MCF2L: variants seen among roughly 807,000 people sequenced by gnomAD.
The protein encoded by MCF2L is MCF.2 cell line derived transforming sequence like, also known as guanine nucleotide exchange factor DBS.
A neutral mutation model predicts 153.4 loss-of-function variants in MCF2L; 97 were observed. The observed-to-expected ratio is 0.63, with a 90% CI of 0.54 to 0.75. The LOEUF (loss-of-function observed/expected upper bound fraction) is 0.75, where lower values mean the gene tolerates loss of function less well. Among genes scored for constraint, MCF2L ranks in the 30% least tolerant of loss-of-function variants. MCF2L has a pLI of 0.00. For missense variants in MCF2L, 1,347 were observed against 1,495.2 expected (o/e 0.90, Z 1.64); for synonymous variants, 659 against 632.2 (o/e 1.04, Z -0.64).
intron 15 of MCF2L, among the ~76,000 whole-genome samples, chr13:113,080,274 GGTCCAGGCAGAGGAGT>G (rs1566860278): frequency 6.7e-6 from 1 of 149,662 alleles, no homozygotes; most frequent in African/African-American, 2.5e-5. Context: ...TACGGAGGAG[GGTCCAGGCAGAGGAGT>G]GTCCATACGG....
intron 2 of MCF2L, among the ~76,000 whole-genome samples, chr13:112,926,236 C>G (rs950696997): frequency 6.6e-6 from 1 of 151,950 alleles, no homozygotes; most frequent in African/African-American, 2.4e-5. Flanking sequence ...ACGGCCTAAT[C>G]TATATACACA....
chr13:112,998,835 G>A (rs768157994), intron 1 of MCF2L, among the ~76,000 whole-genome samples: 9 of 152,144 alleles, frequency 5.9e-5, no homozygotes, highest in Admixed American at 2.0e-4. Context: ...GAGCTCCCAC[G>A]GCCCTTGGAG....
chr13:113,051,591 C>T (rs1408067892), intron 4 of MCF2L, among the ~76,000 whole-genome samples: 1 of 150,786 alleles, frequency 6.6e-6, no homozygotes. Flanking sequence ...CAATAACGGG[C>T]GGCACGAGCC....
intron 23 of MCF2L, 81 bp downstream of exon 23, chr13:113,087,880 T>C: frequency 3.2e-6 from 4 of 1,245,706 alleles, no homozygotes; most frequent in Non-Finnish European, 4.7e-6. Context: ...GGATCTGCCA[T>C]GAAGTTGCAT....
intron 21 of MCF2L, among the ~76,000 whole-genome samples, chr13:113,086,698 C>T (rs1347958661): frequency 6.6e-6 from 1 of 152,140 alleles, no homozygotes; most frequent in Non-Finnish European, 1.5e-5. Context: ...ACAGCTTATT[C>T]ATCTTTTGTC....
chr13:112,945,977 C>T (rs2081633274), intron 2 of MCF2L, among the ~76,000 whole-genome samples: 1 of 152,116 alleles, frequency 6.6e-6, no homozygotes, highest in Non-Finnish European at 1.5e-5. Flanking sequence ...GGAGCTGCTG[C>T]GTGTTCAGAC....
At chr13:112,961,308 G>C (rs974489387) in intron 2 of MCF2L, among the ~76,000 whole-genome samples, 1 of 152,228 alleles carries the variant, frequency 6.6e-6, no homozygotes, top group Non-Finnish European at 1.5e-5. Context: ...TGAAAGTGTC[G>C]AGTGATCTTT....
In MCF2L at chr13:112,943,816, C is replaced by T. The variant is rs948603084; in HGVS notation, c.169+41445C>T. 4.6e-4 allele frequency among the ~76,000 whole-genome samples: 69 copies of T among 151,358 alleles called. No individual in the cohort carries two copies. Among genetic ancestry groups the T allele is most frequent in the Admixed American group, 1.2e-3 (19 of 15,220 alleles). ...CTTCAGGCGGACCGGAAGGACCTGG[C>T]GGGAGGCGTAGTAGGCGGGGTGAGG... On this transcript the variant is annotated intron_variant, in intron 2 of 29. Transcript: ENST00000375608. This position sits in a 1 kb window ranked among gnomAD's most constrained non-coding sequence, Gnocchi z 4.2.
chr13:113,001,588 C>A, intron 1 of MCF2L: 3 of 825,152 alleles, frequency 3.6e-6, no homozygotes, highest in South Asian at 8.3e-5. Flanking sequence ...GGGGCCCCTG[C>A]AGGGAGGGTC....
At chr13:112,935,042 G>A (rs1211306675) in intron 2 of MCF2L, among the ~76,000 whole-genome samples, 1 of 152,146 alleles carries the variant, frequency 6.6e-6, no homozygotes, top group Non-Finnish European at 1.5e-5. Flanking sequence ...AAATTTGTAT[G>A]TTGAAGCCCT....
At chr13:112,981,990 A>C (rs1341880566) in intron 1 of MCF2L, among the ~76,000 whole-genome samples, 5 of 152,302 alleles carry the variant, frequency 3.3e-5, no homozygotes, top group South Asian at 4.1e-4. Context: ...GGCCCCGGTC[A>C]GGGCTGGGGG....
At chr13:112,999,308 G>T (rs759447206) in intron 1 of MCF2L, among the ~76,000 whole-genome samples, 1 of 152,106 alleles carries the variant, frequency 6.6e-6, no homozygotes, top group Non-Finnish European at 1.5e-5. Context: ...GACATCGGGG[G>T]CCAGGAGAGA....
chr13:112,910,462 G>T (rs564086623), intron 2 of MCF2L: 1 of 152,336 alleles, frequency 6.6e-6, no homozygotes, highest in Admixed American at 6.5e-5. Flanking sequence ...TGATTTAGTT[G>T]TTGAGATCAT....
intron 2 of MCF2L, among the ~76,000 whole-genome samples, chr13:112,919,078 G>A (rs1422000674): frequency 3.3e-5 from 5 of 151,986 alleles, no homozygotes; most frequent in African/African-American, 1.2e-4. Context: ...CTCTTTCCTT[G>A]TGCCTAGCAA....
intron 1 of MCF2L, among the ~76,000 whole-genome samples, chr13:112,975,376 G>A (rs34578059): frequency 0.27 from 40,710 of 152,210 alleles, 6,351 homozygotes; most frequent in Non-Finnish European, 0.35. Flanking sequence ...TGCTGGACCC[G>A]TGACCTGTGA....
chr13:113,014,658 C>A, intron 1 of MCF2L, 105 bp from the exon 2 acceptor site: 1 of 872,398 alleles, frequency 1.1e-6, no homozygotes, highest in Non-Finnish European at 1.9e-6. Context: ...ACGCCACTCC[C>A]GTAGGTGCCT....
chr13:113,009,181 C>G (rs887596303), intron 1 of MCF2L: 2 of 152,372 alleles, frequency 1.3e-5, no homozygotes, highest in African/African-American at 2.4e-5. Context: ...TGGCCCTTGC[C>G]GGTTGGTGTT....
intron 15 of MCF2L, among the ~76,000 whole-genome samples, chr13:113,080,578 G>T (rs1157681311): frequency 6.6e-6 from 1 of 152,234 alleles, no homozygotes; most frequent in African/African-American, 2.4e-5. Flanking sequence ...CTGCTGAAAG[G>T]TGCTCACACC....
chr13:113,042,041 G>T (rs905711790), intron 3 of MCF2L, among the ~76,000 whole-genome samples: 1 of 152,148 alleles, frequency 6.6e-6, no homozygotes, highest in African/African-American at 2.4e-5. Flanking sequence ...TAGGGCTGTT[G>T]GCACAGTGCC....
Sources: allele counts gnomAD v4.1 joint callset (sites outside exome capture counted in the v4.1 genomes callset), GRCh38; gene constraint gnomAD v4.1.1; non-coding constraint Gnocchi (gnomAD v3.1); transcripts MANE v1.5; gene names NCBI Gene and HGNC (gene_info 2026-07-23, HGNC 2026-07-21).